Variants in STAT4 observed in about 807,000 individuals in gnomAD.
STAT4 encodes the protein signal transducer and activator of transcription 4.
STAT4 carries 42 observed loss-of-function variants against 110.5 expected under a neutral mutation model. That is an observed-to-expected ratio of 0.38 (90% CI 0.30 to 0.49). The LOEUF (loss-of-function observed/expected upper bound fraction) is 0.49, where lower values mean the gene tolerates loss of function less well. Ranked by LOEUF, STAT4 falls within the 20% of genes least tolerant of loss-of-function variation. STAT4 has a pLI of 0.95. For missense variants in STAT4, 632 were observed against 887.9 expected (o/e 0.71, Z 3.66); for synonymous variants, 284 against 302.2 (o/e 0.94, Z 0.63).
chr2:191,142,123 A>C lies in STAT4; in HGVS notation c.273+4490T>G, dbSNP rs1386914186. On this transcript the variant is annotated intron_variant, in intron 3 of 23. Transcript: ENST00000392320. This position sits in a 1 kb window ranked among gnomAD's most constrained non-coding sequence, Gnocchi z 4.1. ...ATATAAAAGAGATGCCTGCACTTGC[A>C]TGTTTATTGCAGGACTATTCACAAT... 6.6e-6 allele frequency among the ~76,000 whole-genome samples: 1 copy of C among 152,180 alleles called. No individual in the cohort carries two copies. Among genetic ancestry groups the C allele is most frequent in the Non-Finnish European group, 1.5e-5 (1 of 68,036 alleles).
At chr2:191,133,284 G>A (rs1207653021) in intron 3 of STAT4, among the ~76,000 whole-genome samples, 1 of 151,384 alleles carries the variant, frequency 6.6e-6, no homozygotes, top group Non-Finnish European at 1.5e-5. Context: ...TATGTGTCTA[G>A]GCACACTGTC....
At position 191,077,908 on chromosome 2, in the gene STAT4, A is replaced by T. The variant is rs985280966; in HGVS notation, c.274-1583T>A. 4.6e-5 allele frequency among the ~76,000 whole-genome samples: 7 copies of T among 152,102 alleles called. No homozygotes were observed. Among genetic ancestry groups the T allele is most frequent in the Non-Finnish European group, 1.0e-4 (7 of 68,014 alleles). On this transcript the variant is annotated intron_variant, in intron 3 of 23. Coordinates refer to ENST00000392320, the MANE Select transcript of STAT4 (RefSeq NM_003151.4). This position sits in a 1 kb window ranked among gnomAD's most constrained non-coding sequence, Gnocchi z 4.1. ...CTCAAAAGGTAAAGAAATAAAAATG[A>T]TCCTATTTATGAAGCGGGGATACCA...
rs996843459 is a variant in STAT4 at position 191,104,500 on chromosome 2, C to A, written c.274-28175G>T. Among the ~76,000 whole-genome samples, 1 of 152,142 alleles carries A rather than the reference C, an allele frequency of 6.6e-6. No homozygotes were observed. Among genetic ancestry groups the A allele is most frequent in the African/African-American group, 2.4e-5 (1 of 41,442 alleles). The stretch of plus-strand genomic sequence containing the variant: ...TGTGAAGAAGATTTTGCCACACAGA[C>A]TCACACTGTGTTTTTAAATTTGAAG... On this transcript the variant is annotated intron_variant, in intron 3 of 23. Transcript: ENST00000392320. The surrounding 1 kb of genome is among the most constrained non-coding windows in gnomAD (Gnocchi z 4.3).
chr2:191,076,724 C>A (rs937159544), intron 3 of STAT4, among the ~76,000 whole-genome samples: 9 of 151,072 alleles, frequency 6.0e-5, no homozygotes, highest in Non-Finnish European at 1.0e-4. Flanking sequence ...CAGCTCACCA[C>A]AACCTCCACC....
intron 3 of STAT4, among the ~76,000 whole-genome samples, chr2:191,084,257 G>A (rs1048561742): frequency 1.0e-4 from 15 of 147,878 alleles, no homozygotes; most frequent in South Asian, 4.5e-4. Flanking sequence ...GCAAGACTCC[G>A]TCTAAAAAAA....
Position 191,107,717 on chromosome 2 carries a change from C to T in STAT4, c.274-31392G>A, listed in dbSNP as rs1239757444. 6.6e-6 allele frequency among the ~76,000 whole-genome samples: 1 copy of T among 152,180 alleles called. No homozygotes were observed. The highest frequency in any genetic ancestry group is 2.4e-5 in the African/African-American group (1 of 41,438). ...CATCAGTTTACAGGCCAAGTGAAAA[C>T]ATTCAGGACATAATTTATTTTTTCA... On this transcript the variant is annotated intron_variant, in intron 3 of 23. Transcript: ENST00000392320. The surrounding 1 kb of genome is among the most constrained non-coding windows in gnomAD (Gnocchi z 4.2).
chr2:191,118,603 T>G (rs1328751650), intron 3 of STAT4, among the ~76,000 whole-genome samples: 1 of 152,230 alleles, frequency 6.6e-6, no homozygotes, highest in Non-Finnish European at 1.5e-5. Context: ...ATTTAATCAA[T>G]GTGGACATTT....
At chr2:191,049,167 C>CTTT (rs11410725) in intron 14 of STAT4, among the ~76,000 whole-genome samples, 258 of 104,132 alleles carry the variant, frequency 2.5e-3, no homozygotes, top group Non-Finnish European at 3.2e-3. Flanking sequence ...ATGGTAATAG[C>CTTT]TTTTTTTTTT....
Position 191,035,440 on chromosome 2 carries a change from A to G in STAT4, c.1570+724T>C, listed in dbSNP as rs932760605. 2.0e-5 allele frequency among the ~76,000 whole-genome samples: 3 copies of G among 152,262 alleles called. No individual in the cohort carries two copies. The highest frequency in any genetic ancestry group is 7.2e-5 in the African/African-American group (3 of 41,466). The stretch of plus-strand genomic sequence containing the variant: ...ATCACACATGATTCTACTTCTGCAC[A>G]AATGGATCTTTGGCCCTAATTTAAC... On this transcript the variant is annotated intron_variant, in intron 17 of 23. Transcript: ENST00000392320. The surrounding 1 kb of genome is among the most constrained non-coding windows in gnomAD (Gnocchi z 4.7).
At chr2:191,034,116 C>T in intron 18 of STAT4, 111 bp from the exon 19 acceptor site, 1 of 782,842 alleles carries the variant, frequency 1.3e-6, no homozygotes, top group Non-Finnish European at 2.0e-6. Flanking sequence ...TGGACAACAC[C>T]TTAATTTCTT....
chr2:191,029,578 T>C lies in STAT4; in HGVS notation c.*262A>G. On this transcript the variant is annotated 3_prime_UTR_variant, in exon 24 of 24. Coordinates refer to ENST00000392320, the MANE Select transcript of STAT4 (RefSeq NM_003151.4). The surrounding 1 kb of genome is among the most constrained non-coding windows in gnomAD (Gnocchi z 4.5). ...TAAACCAAACACAGGCAAGCGAGTC[T>C]TCTGTTAATATTGTTATTAACACTG... 2.2e-6 allele frequency: 1 copy of C among 460,154 alleles called. No individual in the cohort carries two copies. Among genetic ancestry groups the C allele is most frequent in the Non-Finnish European group, 3.8e-6 (1 of 263,110 alleles). The allele number at this position is 460,154 out of a possible 1,614,324, so 28.5% of individuals were successfully genotyped here.
At chr2:191,134,288 T>C (rs538784801) in intron 3 of STAT4, among the ~76,000 whole-genome samples, 6 of 152,284 alleles carry the variant, frequency 3.9e-5, no homozygotes, top group Non-Finnish European at 7.4e-5. Context: ...CCATTGCCCA[T>C]GCCATACTGC....
In STAT4 at chr2:191,042,777, C is replaced by CTT. The variant is rs397740293; in HGVS notation, c.1252-1631_1252-1630dup. 3.2e-4 allele frequency among the ~76,000 whole-genome samples: 47 copies of CTT among 147,676 alleles called. No individual in the cohort carries two copies. The highest frequency in any genetic ancestry group is 4.7e-4 in the Admixed American group (7 of 14,880). On this transcript the variant is annotated intron_variant, in intron 14 of 23. Coordinates refer to ENST00000392320, the MANE Select transcript of STAT4 (RefSeq NM_003151.4). The surrounding 1 kb of genome is among the most constrained non-coding windows in gnomAD (Gnocchi z 4.2). ...CTTAAATTCATTCATTGTATTCTCT[C>CTT]TTTTTTTTTTTTCTTTTTTGAGATG...
chr2:191,069,562 A>C, intron 6 of STAT4, 131 bp downstream of exon 6: 1 of 702,434 alleles, frequency 1.4e-6, no homozygotes, highest in Non-Finnish European at 2.4e-6. Flanking sequence ...GCAAAACAAG[A>C]AAATACTCCC....
intron 3 of STAT4, among the ~76,000 whole-genome samples, chr2:191,093,613 A>C (rs1463201610): frequency 2.0e-5 from 3 of 152,232 alleles, no homozygotes; most frequent in Admixed American, 6.5e-5. Context: ...AAAGTAGATA[A>C]AACCACAAAG....
chr2:191,098,448 T>A (rs1401939155), intron 3 of STAT4, among the ~76,000 whole-genome samples: 1 of 152,044 alleles, frequency 6.6e-6, no homozygotes, highest in African/African-American at 2.4e-5. Context: ...AAAGGATGAG[T>A]TCATGTCCTT....
intron 5 of STAT4, among the ~76,000 whole-genome samples, chr2:191,071,125 C>T (rs1179092192): frequency 6.6e-6 from 1 of 152,170 alleles, no homozygotes; most frequent in Non-Finnish European, 1.5e-5. Context: ...TTTGAGCAAC[C>T]TGTGCTGTGC....
chr2:191,032,918 C>A lies in STAT4; in HGVS notation c.2044+40G>T, dbSNP rs768822410. ...CCAATATGAGGTTATTTTCCAAAAT[C>A]TTAAGGAAAAAAAAACAAAAACAAA... is the stretch of plus-strand genomic sequence containing the variant. On this transcript the variant is annotated intron_variant, in intron 21 of 23. Transcript: ENST00000392320. The surrounding 1 kb of genome is among the most constrained non-coding windows in gnomAD (Gnocchi z 4.9). 1 of 1,563,578 alleles carries A rather than the reference C, an allele frequency of 6.4e-7. No homozygotes were observed.
rs951916756 is a variant in STAT4 at position 191,043,233 on chromosome 2, A to G, written c.1252-2085T>C. Among the ~76,000 whole-genome samples the G allele has an allele frequency of 6.6e-6, 1 of 152,208 alleles. No individual in the cohort carries two copies. Among genetic ancestry groups the G allele is most frequent in the African/African-American group, 2.4e-5 (1 of 41,466 alleles). On this transcript the variant is annotated intron_variant, in intron 14 of 23. Transcript: ENST00000392320. This position sits in a 1 kb window ranked among gnomAD's most constrained non-coding sequence, Gnocchi z 4.8. ...GAACCACTTAAAATATAATAAGAGA[A>G]ATAGACAAGTCAGTAAAAAGATTGG...
Sources: gnomAD v4.1 joint callset for allele counts (sites outside exome capture counted in the v4.1 genomes callset) on GRCh38, gnomAD v4.1.1 for gene constraint, Gnocchi (gnomAD v3.1) non-coding constraint, MANE v1.5 for transcripts, NCBI Gene and HGNC (gene_info 2026-07-23, HGNC 2026-07-21) for gene names.